The following FAM193A variants were observed in gnomAD, a reference collection of about 807,000 sequenced individuals.
The protein encoded by FAM193A is protein FAM193A.
Under a neutral mutation model 126.5 loss-of-function variants are expected in FAM193A, and 22 were observed. The ratio of observed to expected loss-of-function variants is 0.17; its 90% CI spans 0.12 to 0.25. The LOEUF is 0.25. FAM193A is among the 10% of genes least tolerant of loss of function. The probability of loss-of-function intolerance (pLI) is 1.00; values close to 1 mark genes in which losing one functional copy is unlikely to be tolerated. For missense variants in FAM193A, 1,675 were observed against 1,672.8 expected, an observed-to-expected ratio of 1.00 and a Z score of -0.02; for synonymous variants, 761 against 646.8, an observed-to-expected ratio of 1.18 and a Z score of -2.68.
intron 1 of FAM193A, among the ~76,000 whole-genome samples, chr4:2,549,846 C>T (rs1376708227): frequency 6.7e-6 from 1 of 150,140 alleles, no homozygotes; most frequent in African/African-American, 2.5e-5. Flanking sequence ...TTCTGCCTCA[C>T]CCTCCCAAGT....
chr4:2,622,052 T>TGAGACCAGCCTGAGCAACATGGC (rs1480691275), intron 2 of FAM193A, among the ~76,000 whole-genome samples: 1 of 151,974 alleles, frequency 6.6e-6, no homozygotes, highest in Non-Finnish European at 1.5e-5. Flanking sequence ...CTCAGGAGTT[T>TGAGACCAGCCTGAGCAACATGGC]GAGACCAGCC....
At chr4:2,603,547 C>G (rs915219737) in intron 2 of FAM193A, among the ~76,000 whole-genome samples, 1 of 145,682 alleles carries the variant, frequency 6.9e-6, no homozygotes, top group African/African-American at 2.5e-5. Context: ...AGCTCCGCCT[C>G]CTGGGTTCAC....
At position 2,689,919 on chromosome 4, in the gene FAM193A, ACT is replaced by A. The variant is rs1395357976; in HGVS notation, c.2530+218_2530+219del. On this transcript the variant is annotated intron_variant, in intron 14 of 20. Coordinates refer to ENST00000637812, the MANE Select transcript of FAM193A (RefSeq NM_001366318.2). ...CCACTGTGTGACAGAGCGGAGCAAG[ACT>A]CTGGCTCCATGGCTGCCCGTCAGCC... Among the ~76,000 whole-genome samples the A allele has an allele frequency of 2.0e-5, 3 of 152,114 alleles. No homozygotes were observed. The South Asian group carries it at 6.2e-4, about 32-fold the overall frequency.
chr4:2,573,913 G>A (rs538694007), intron 1 of FAM193A, among the ~76,000 whole-genome samples: 1 of 152,190 alleles, frequency 6.6e-6, no homozygotes, highest in South Asian at 2.1e-4. Context: ...GAGACAAACA[G>A]TACAAAGGCC....
chr4:2,682,766 T>A (rs964779063), intron 13 of FAM193A, among the ~76,000 whole-genome samples: 2 of 152,206 alleles, frequency 1.3e-5, no homozygotes, highest in East Asian at 3.8e-4. Flanking sequence ...AAGGTAACAT[T>A]TAACAGATTA....
intron 2 of FAM193A, among the ~76,000 whole-genome samples, chr4:2,607,281 C>G (rs1419422246): frequency 6.6e-6 from 1 of 152,178 alleles, no homozygotes; most frequent in African/African-American, 2.4e-5. Context: ...AAGTGTGTGG[C>G]AGTGAAGAAT....
At chr4:2,597,076 C>A (rs1169970915) in intron 2 of FAM193A, among the ~76,000 whole-genome samples, 2 of 152,136 alleles carry the variant, frequency 1.3e-5, no homozygotes, top group Non-Finnish European at 2.9e-5. Flanking sequence ...AAGAGCGCAT[C>A]CCCACTGCCT....
At chr4:2,665,997 C>A (rs976818555) in intron 12 of FAM193A, among the ~76,000 whole-genome samples, 2 of 152,118 alleles carry the variant, frequency 1.3e-5, no homozygotes, top group African/African-American at 4.8e-5. Flanking sequence ...CTTACTCTTG[C>A]CTTATTGAGC....
At chr4:2,689,972 A>G (rs1716175356) in intron 14 of FAM193A, among the ~76,000 whole-genome samples, 1 of 152,222 alleles carries the variant, frequency 6.6e-6, no homozygotes, top group Non-Finnish European at 1.5e-5. Context: ...GCGTGGCCTC[A>G]GCGCTGCTGA....
chr4:2,566,172 C>T (rs1043232606), intron 1 of FAM193A, among the ~76,000 whole-genome samples: 7 of 151,912 alleles, frequency 4.6e-5, no homozygotes, highest in Admixed American at 6.6e-5. Flanking sequence ...CTCAACCTGA[C>T]GAGTAGCTGG....
At chr4:2,703,722 G>C (rs13137721) in intron 19 of FAM193A, among the ~76,000 whole-genome samples, 1 of 151,750 alleles carries the variant, frequency 6.6e-6, no homozygotes, top group Non-Finnish European at 1.5e-5. Context: ...CCAACACTTT[G>C]GGAAGCTGAG....
chr4:2,557,772 G>GA (rs1347657452), intron 1 of FAM193A, among the ~76,000 whole-genome samples: 1 of 152,122 alleles, frequency 6.6e-6, no homozygotes, highest in African/African-American at 2.4e-5. Context: ...CTAACATGGT[G>GA]AAACACTGTC....
rs1443569905 is a variant in FAM193A, at chr4:2,707,858, C to T, written c.4372+7314C>T. Among the ~76,000 whole-genome samples the T allele has an allele frequency of 2.6e-5, 4 of 151,896 alleles. No individual in the cohort carries two copies. In the East Asian group the frequency reaches 5.8e-4, roughly 22 times the overall value. On this transcript the variant is annotated intron_variant, in intron 19 of 20. Coordinates refer to ENST00000637812, the MANE Select transcript of FAM193A (RefSeq NM_001366318.2). ...CCACCTCCTGGGTTCAAGCAGTTCT[C>T]ATGCCCCACCCTCCCGAGTAGCTGG...
At chr4:2,579,820 A>C in intron 1 of FAM193A, among the ~76,000 whole-genome samples, 1 of 152,318 alleles carries the variant, frequency 6.6e-6, no homozygotes, top group Admixed American at 6.5e-5. Flanking sequence ...ACGCTTATAC[A>C]CTGTTGGTGC....
Position 2,630,970 on chromosome 4 carries a change from G to T in FAM193A, c.839G>T (p.Arg280Leu). ...AGGGACCCCTACCAGCTGTACCAGC[G>T]TCTGGAACAGCAAGCTCGAGAGTAT... ...CERDPYQLYQ[R>L]LEQQAREYVL... The change falls in exon 5 of 21, where the codon CGT becomes CTT. Residue 280 changes from arginine to leucine, a missense_variant. By Grantham distance (102) the Arg-to-Leu change is moderately radical. Coordinates refer to ENST00000637812, the MANE Select transcript of FAM193A (RefSeq NM_001366318.2). 6.2e-7 allele frequency: 1 copy of T among 1,609,858 alleles called. No individual in the cohort carries two copies. The highest frequency in any genetic ancestry group is 8.5e-7 in the Non-Finnish European group (1 of 1,176,882).
chr4:2,672,183 A>G lies in FAM193A; in HGVS notation c.2142A>G (p.Thr714=). The G allele has an allele frequency of 6.2e-7, 1 of 1,614,202 alleles. No homozygotes were observed. The highest frequency in any genetic ancestry group is 1.1e-5 in the South Asian group (1 of 91,082). Residue 714 remains threonine, a synonymous_variant, in exon 13 of 21, where the codon ACA becomes ACG. Transcript: ENST00000637812. ...HVCKQEASGL[T]PSAMTAGALP... ...GTAAGCAGGAAGCTTCTGGACTGAC[A>G]CCATCTGCAATGACAGCCGGAGCCC...
rs1421120329 is a variant in FAM193A at position 2,731,915 on chromosome 4, A to T, written c.*47A>T. 1 of 1,434,542 alleles carries T rather than the reference A, an allele frequency of 7.0e-7. No homozygotes were observed. The highest frequency in any genetic ancestry group is 1.7e-5 in the Admixed American group (1 of 59,790). The allele number at this position is 1,434,542 out of a possible 1,614,324, so 88.9% of individuals were successfully genotyped here. ...ACACGCGAGAGGCAGGCCAGGCTGC[A>T]CCACCCCAAGAGCCACGCCCCTCGC... On this transcript the variant is annotated 3_prime_UTR_variant, in exon 21 of 21. Transcript: ENST00000637812.
intron 6 of FAM193A, among the ~76,000 whole-genome samples, chr4:2,641,025 C>T (rs1358622475): frequency 6.6e-6 from 1 of 151,942 alleles, no homozygotes; most frequent in African/African-American, 2.4e-5. Context: ...CTGTTGACTA[C>T]ACCAGTTATT....
At chr4:2,695,918 T>C (rs1172831351) in intron 17 of FAM193A, among the ~76,000 whole-genome samples, 2 of 151,940 alleles carry the variant, frequency 1.3e-5, no homozygotes, top group South Asian at 2.1e-4. Context: ...TAAAGAAAAT[T>C]AGCTGAGTGT....
Sources: gnomAD v4.1 joint callset for allele counts (sites outside exome capture counted in the v4.1 genomes callset) on GRCh38, gnomAD v4.1.1 for gene constraint, MANE v1.5 for transcripts, NCBI Gene and HGNC (gene_info 2026-07-23, HGNC 2026-07-21) for gene names.